TDRD3: variants seen among roughly 807,000 people sequenced by gnomAD.
The protein encoded by TDRD3 is tudor domain containing 3, also known as tudor domain-containing protein 3.
Under a neutral mutation model 86.7 loss-of-function variants are expected in TDRD3, and 45 were observed. That is an observed-to-expected ratio of 0.52 (90% CI 0.41 to 0.67). The LOEUF (loss-of-function observed/expected upper bound fraction) is 0.67, where lower values mean the gene tolerates loss of function less well. Ranked by LOEUF, TDRD3 falls within the 30% of genes least tolerant of loss-of-function variation. TDRD3 has a pLI of 0.00. For missense variants in TDRD3, 814 were observed against 889.0 expected, an observed-to-expected ratio of 0.92 and a Z score of 1.07; for synonymous variants, 298 against 301.7, an observed-to-expected ratio of 0.99 and a Z score of 0.13.
At chr13:60,446,919 T>G (rs9538704) in intron 3 of TDRD3, among the ~76,000 whole-genome samples, 29,574 of 152,134 alleles carry the variant, frequency 0.19, 3,560 homozygotes, top group South Asian at 0.29. Flanking sequence ...ACTGATCCGT[T>G]ACTTACTAAC....
intron 5 of TDRD3, among the ~76,000 whole-genome samples, chr13:60,478,801 C>CTTTTT (rs202146264): frequency 1.9e-5 from 2 of 104,448 alleles, no homozygotes; most frequent in South Asian, 3.3e-4. Flanking sequence ...AATTTGAGGA[C>CTTTTT]TTTTTTTTTT....
intron 4 of TDRD3, among the ~76,000 whole-genome samples, chr13:60,464,456 T>G (rs564375365): frequency 6.6e-6 from 1 of 152,252 alleles, no homozygotes; most frequent in East Asian, 1.9e-4. Flanking sequence ...TGCACTCCCA[T>G]TTTTATTGTA....
intron 12 of TDRD3, chr13:60,536,232 G>A (rs549049481): frequency 6.6e-6 from 1 of 151,838 alleles, no homozygotes; most frequent in South Asian, 2.1e-4. Context: ...TAATGTTTTG[G>A]GCCATGGATC....
At chr13:60,396,935 C>T (rs1233056163), upstream of TDRD3, 1 of 154,768 alleles carries the variant, frequency 6.5e-6, no homozygotes, top group Non-Finnish European at 1.4e-5. Flanking sequence ...ATCCTGCCCT[C>T]TCTGAGGTGG....
rs547521321 is a variant in TDRD3, at chr13:60,397,339, C to T, written c.-26C>T. ...CCCCATCACCCCCACCCCAGCCCCC[C>T]ACCACCCCCGGCCTAAGCAGCTACC... On this transcript the variant is annotated 5_prime_UTR_variant, in exon 1 of 14. Transcript: ENST00000377881. The T allele has an allele frequency of 1.4e-6, 2 of 1,459,928 alleles. No individual in the cohort carries two copies. Among genetic ancestry groups the T allele is most frequent in the South Asian group, 2.6e-5 (2 of 75,856 alleles). The allele number at this position is 1,459,928 out of a possible 1,614,324, so 90.4% of individuals were successfully genotyped here.
chr13:60,546,794 T>C (rs1186609057), intron 12 of TDRD3, among the ~76,000 whole-genome samples: 2 of 152,148 alleles, frequency 1.3e-5, no homozygotes, highest in African/African-American at 2.4e-5. Flanking sequence ...AACAACTTAA[T>C]AAAAACTTAC....
intron 4 of TDRD3, among the ~76,000 whole-genome samples, chr13:60,466,044 C>A (rs1207076216): frequency 3.3e-5 from 5 of 151,824 alleles, no homozygotes; most frequent in African/African-American, 9.7e-5. Flanking sequence ...AATGTTTGCC[C>A]CAAATCTGAT....
chr13:60,475,281 C>T (rs998725595), intron 5 of TDRD3, among the ~76,000 whole-genome samples: 26 of 152,098 alleles, frequency 1.7e-4, no homozygotes, highest in Non-Finnish European at 3.4e-4. Flanking sequence ...CTCTTGTTCC[C>T]ATCTCTGTGT....
chr13:60,463,362 C>CAAAAAAAAAAAAAAAAAA (rs57195209), intron 4 of TDRD3, among the ~76,000 whole-genome samples: 1 of 81,538 alleles, frequency 1.2e-5, no homozygotes, highest in African/African-American at 5.8e-5. Context: ...AATTCTGGCT[C>CAAAAAAAAAAAAAAAAAA]AAAAAAAAAA....
At chr13:60,552,407 T>C (rs999302521) in intron 12 of TDRD3, among the ~76,000 whole-genome samples, 1 of 152,234 alleles carries the variant, frequency 6.6e-6, no homozygotes, top group Non-Finnish European at 1.5e-5. Context: ...ATGCAAGGGG[T>C]AGGCTCCTAA....
chr13:60,522,038 A>AT (rs1182599087), intron 10 of TDRD3, among the ~76,000 whole-genome samples: 1 of 152,128 alleles, frequency 6.6e-6, no homozygotes, highest in Non-Finnish European at 1.5e-5. Context: ...ATCAAGAGTA[A>AT]TTTTTTTACT....
At chr13:60,418,587 T>C (rs1424843957) in intron 1 of TDRD3, among the ~76,000 whole-genome samples, 1 of 152,198 alleles carries the variant, frequency 6.6e-6, no homozygotes, top group African/African-American at 2.4e-5. Context: ...ACTTGTCTTT[T>C]TAAATTGCAG....
At chr13:60,557,820 ATTTTTT>A (rs749028045) in intron 12 of TDRD3, among the ~76,000 whole-genome samples, 9 of 88,284 alleles carry the variant, frequency 1.0e-4, no homozygotes, top group South Asian at 1.0e-3. Context: ...TTTTTTCCTG[ATTTTTT>A]TTTTTTTTTT....
chr13:60,455,156 G>A (rs112527485), intron 3 of TDRD3, among the ~76,000 whole-genome samples: 12 of 152,044 alleles, frequency 7.9e-5, no homozygotes, highest in African/African-American at 1.9e-4. Context: ...CAGGTGATCC[G>A]CCCACCTCAG....
intron 12 of TDRD3, among the ~76,000 whole-genome samples, chr13:60,561,531 T>C (rs1051675705): frequency 1.3e-5 from 2 of 152,320 alleles, no homozygotes; most frequent in Non-Finnish European, 2.9e-5. Context: ...TAGGCCCATA[T>C]ATTTTATATA....
intron 5 of TDRD3, among the ~76,000 whole-genome samples, chr13:60,472,091 T>C (rs2138102643): frequency 1.3e-5 from 2 of 152,272 alleles, no homozygotes; most frequent in South Asian, 4.1e-4. Context: ...TGTGTTTGGT[T>C]TTGTGAGATG....
rs1360526814 is a variant in TDRD3 at position 60,564,795 on chromosome 13, AT to A, written c.2119-2729del. Among the ~76,000 whole-genome samples, 5 of 152,348 alleles carry A rather than the reference AT, an allele frequency of 3.3e-5. No individual in the cohort carries two copies. In the East Asian group the frequency reaches 9.6e-4, roughly 29 times the overall value. On this transcript the variant is annotated intron_variant, in intron 12 of 13. Transcript: ENST00000377881. ...AGGAAGAAGATAGGCTAGAAGAGGA[AT>A]AAAGTATAAATTTCATTCAAAGATG...
At chr13:60,441,193 A>G (rs984377908) in intron 2 of TDRD3, among the ~76,000 whole-genome samples, 1 of 152,148 alleles carries the variant, frequency 6.6e-6, no homozygotes, top group African/African-American at 2.4e-5. Context: ...AGTTAATTCT[A>G]TTGCTTAAAA....
chr13:60,549,801 T>C (rs1014540824), intron 12 of TDRD3, among the ~76,000 whole-genome samples: 2 of 152,134 alleles, frequency 1.3e-5, no homozygotes, highest in Non-Finnish European at 2.9e-5. Flanking sequence ...TTTTCTAACA[T>C]GGAGCACACT....
Sources: allele counts gnomAD v4.1 joint callset (sites outside exome capture counted in the v4.1 genomes callset), GRCh38; gene constraint gnomAD v4.1.1; transcripts MANE v1.5; gene names NCBI Gene and HGNC (gene_info 2026-07-23, HGNC 2026-07-21).